SEMA6D: variants seen among roughly 807,000 people sequenced by gnomAD.
The protein encoded by SEMA6D is semaphorin-6D.
SEMA6D carries 35 observed loss-of-function variants against 106.6 expected under a neutral mutation model. The observed-to-expected ratio is 0.33, with a 90% CI of 0.25 to 0.44. SEMA6D has a LOEUF of 0.44. SEMA6D is among the 20% of genes least tolerant of loss of function. The probability of loss-of-function intolerance (pLI) is 1.00; values close to 1 mark genes in which losing one functional copy is unlikely to be tolerated. For missense variants in SEMA6D, 1,185 were observed against 1,345.9 expected (o/e 0.88, Z 1.87); for synonymous variants, 499 against 487.7 (o/e 1.02, Z -0.31).
intron 2 of SEMA6D, among the ~76,000 whole-genome samples, chr15:47,430,294 G>A (rs1176984043): frequency 6.6e-6 from 1 of 151,930 alleles, no homozygotes; most frequent in African/African-American, 2.4e-5. Context: ...AAAGGAGGAG[G>A]GAAACACTCC....
At chr15:47,348,758 A>AGAGAGT (rs2038188679) in intron 1 of SEMA6D, among the ~76,000 whole-genome samples, 1 of 107,668 alleles carries the variant, frequency 9.3e-6, no homozygotes, top group Non-Finnish European at 2.3e-5. Context: ...AGAGAGAGAG[A>AGAGAGT]GAGAGAGATT....
At chr15:47,432,488 A>C (rs1457882915) in intron 2 of SEMA6D, among the ~76,000 whole-genome samples, 1 of 107,888 alleles carries the variant, frequency 9.3e-6, no homozygotes, top group Non-Finnish European at 2.1e-5. Context: ...TTATTTCTAT[A>C]TATATATATA....
rs188771926 is a variant in SEMA6D, at chr15:47,372,117, T to G, written c.-238-40276T>G. ...CCCCAGTCCTCAGCTCTTCACTGAT[T>G]GCTTGGACTTGGTGAAAGCTTTGGC... On this transcript the variant is annotated intron_variant, in intron 1 of 19. Transcript: ENST00000558014. Among the ~76,000 whole-genome samples the G allele has an allele frequency of 3.4e-3, 512 of 152,352 alleles. 3 individuals carry two copies. Among genetic ancestry groups the G allele is most frequent in the Non-Finnish European group, 4.1e-3 (280 of 68,032 alleles).
chr15:47,635,926 C>T (rs1412461780), intron 4 of SEMA6D, among the ~76,000 whole-genome samples: 2 of 140,364 alleles, frequency 1.4e-5, no homozygotes, highest in Non-Finnish European at 3.1e-5. Context: ...TGCACCTGAC[C>T]AAAAAATAAA....
chr15:47,423,902 A>G (rs898937928), intron 2 of SEMA6D, among the ~76,000 whole-genome samples: 4 of 152,116 alleles, frequency 2.6e-5, no homozygotes, highest in Non-Finnish European at 5.9e-5. Context: ...TAATACTAAA[A>G]TCATTTAAAG....
At chr15:47,626,389 A>G (rs907731638) in intron 4 of SEMA6D, among the ~76,000 whole-genome samples, 1 of 152,166 alleles carries the variant, frequency 6.6e-6, no homozygotes, top group African/African-American at 2.4e-5. Flanking sequence ...TGTCACTGCT[A>G]CTTCCACTCA....
At chr15:47,300,111 C>T (rs1466153985) in intron 1 of SEMA6D, among the ~76,000 whole-genome samples, 13 of 152,164 alleles carry the variant, frequency 8.5e-5, no homozygotes, top group Non-Finnish European at 1.8e-4. Context: ...ATAATAGGAT[C>T]GTCAGATCAC....
intron 3 of SEMA6D, among the ~76,000 whole-genome samples, chr15:47,549,690 T>C (rs969784715): frequency 6.6e-6 from 1 of 152,184 alleles, no homozygotes; most frequent in African/African-American, 2.4e-5. Flanking sequence ...CATCTAGGTC[T>C]ACTAACCACT....
At position 47,326,068 on chromosome 15, in the gene SEMA6D, C is replaced by A. The variant is rs541777998; in HGVS notation, c.-238-86325C>A. Among the ~76,000 whole-genome samples, 4 of 152,264 alleles carry A rather than the reference C, an allele frequency of 2.6e-5. No individual in the cohort carries two copies. The South Asian group carries it at 8.3e-4, about 32-fold the overall frequency. On this transcript the variant is annotated intron_variant, in intron 1 of 19. Transcript: ENST00000558014. ...GTCCGAATCAAAGCTGCTGTCCACT[C>A]TTCCCAGTGAAAACCTCCCTAAGCT...
chr15:47,224,961 G>A lies in SEMA6D; in HGVS notation c.-239+40543G>A, dbSNP rs149485354. Among the ~76,000 whole-genome samples the A allele has an allele frequency of 2.6e-3, 394 of 151,832 alleles. 4 individuals are homozygous for A. The highest frequency in any genetic ancestry group is 4.3e-3 in the Admixed American group (66 of 15,212). On this transcript the variant is annotated intron_variant, in intron 1 of 19. Transcript: ENST00000558014. ...GTTTGTGTAATAGCAGCAGATCCTT[G>A]TTCTGATATCTGAGGTCACGAATAC...
intron 4 of SEMA6D, among the ~76,000 whole-genome samples, chr15:47,667,677 TC>T (rs1275449505): frequency 1.3e-5 from 2 of 152,182 alleles, no homozygotes; most frequent in Non-Finnish European, 2.9e-5. Flanking sequence ...ACGACCATCT[TC>T]TTGCTGTCCT....
chr15:47,428,156 G>T (rs1054699879), intron 2 of SEMA6D, among the ~76,000 whole-genome samples: 4 of 151,884 alleles, frequency 2.6e-5, no homozygotes, highest in African/African-American at 9.7e-5. Flanking sequence ...GTGTAAAATG[G>T]TCCATCTACC....
chr15:47,727,068 A>C (rs2079802702), intron 1 of SEMA6D, among the ~76,000 whole-genome samples: 2 of 152,172 alleles, frequency 1.3e-5, no homozygotes, highest in Admixed American at 1.3e-4. Context: ...GGTGTCAAAA[A>C]TCTGGCTTCC....
chr15:47,689,915 C>T (rs1444668819), intron 4 of SEMA6D, among the ~76,000 whole-genome samples: 1 of 152,198 alleles, frequency 6.6e-6, no homozygotes, highest in African/African-American at 2.4e-5. Context: ...TTCACAGCTC[C>T]TCAGGGGTTT....
chr15:47,653,861 C>T (rs1240135653), intron 4 of SEMA6D, among the ~76,000 whole-genome samples: 2 of 152,174 alleles, frequency 1.3e-5, no homozygotes, highest in Non-Finnish European at 2.9e-5. Flanking sequence ...GGATTAAAGG[C>T]CCTTGCCGTC....
chr15:47,236,288 T>G (rs1030477632), intron 1 of SEMA6D, among the ~76,000 whole-genome samples: 9 of 152,050 alleles, frequency 5.9e-5, no homozygotes, highest in Non-Finnish European at 1.2e-4. Flanking sequence ...GATAGCTTGA[T>G]AAATGGATCA....
intron 4 of SEMA6D, among the ~76,000 whole-genome samples, chr15:47,619,892 C>T (rs2077068877): frequency 6.6e-6 from 1 of 152,098 alleles, no homozygotes; most frequent in Admixed American, 6.5e-5. Context: ...ATCCAAAGGT[C>T]AAAAGAAAAA....
At chr15:47,762,906 G>A (rs2082139899) in intron 8 of SEMA6D, 110 bp from the exon 9 acceptor site, 1 of 769,768 alleles carries the variant, frequency 1.3e-6, no homozygotes, top group Admixed American at 2.8e-5. Context: ...TGGAGTTCTT[G>A]TTGGCTTGAA....
intron 2 of SEMA6D, among the ~76,000 whole-genome samples, chr15:47,412,982 A>G (rs2040846997): frequency 6.6e-6 from 1 of 152,204 alleles, no homozygotes; most frequent in Non-Finnish European, 1.5e-5. Context: ...ACCTCCACAC[A>G]CTGGACACTT....
Sources: gnomAD v4.1 joint callset for allele counts (sites outside exome capture counted in the v4.1 genomes callset) on GRCh38, gnomAD v4.1.1 for gene constraint, MANE v1.5 for transcripts, NCBI Gene and HGNC (gene_info 2026-07-23, HGNC 2026-07-21) for gene names.